GAS7: variants seen among roughly 807,000 people sequenced by gnomAD.
GAS7 encodes growth arrest specific 7, also known as growth arrest-specific protein 7.
Under a neutral mutation model 71.1 loss-of-function variants are expected in GAS7, and 28 were observed. The ratio of observed to expected loss-of-function variants is 0.39; its 90% CI spans 0.29 to 0.54. The LOEUF (loss-of-function observed/expected upper bound fraction) is 0.54. Ranked by LOEUF, GAS7 falls within the 20% of genes least tolerant of loss-of-function variation. The pLI is 0.62. For synonymous variants in GAS7, 258 were observed against 245.8 expected (o/e 1.05, Z -0.46); for missense variants, 436 against 627.8 (o/e 0.69, Z 3.27).
At chr17:10,162,989 T>C (rs1000821431) in intron 1 of GAS7, among the ~76,000 whole-genome samples, 1 of 152,198 alleles carries the variant, frequency 6.6e-6, no homozygotes, top group Non-Finnish European at 1.5e-5. Flanking sequence ...GTTAAGATGG[T>C]AAATTTTGTT....
At chr17:10,182,254 G>A (rs2074422265) in intron 1 of GAS7, among the ~76,000 whole-genome samples, 1 of 152,068 alleles carries the variant, frequency 6.6e-6, no homozygotes, top group Non-Finnish European at 1.5e-5. Context: ...CCACCTCCTG[G>A]GTTCAAGCGA....
At chr17:10,140,199 C>T (rs1483188961) in intron 1 of GAS7, among the ~76,000 whole-genome samples, 1 of 152,204 alleles carries the variant, frequency 6.6e-6, no homozygotes, top group South Asian at 2.1e-4. Context: ...TGGTGGCTCA[C>T]ATCTGCAATC....
chr17:10,049,950 A>G (rs1567569131), intron 1 of GAS7, among the ~76,000 whole-genome samples: 3 of 152,122 alleles, frequency 2.0e-5, no homozygotes, highest in Non-Finnish European at 4.4e-5. Context: ...GCAAATCATC[A>G]TATACAATCC....
intron 13 of GAS7, 129 bp from the exon 14 acceptor site, chr17:9,917,470 G>C (rs773593738): frequency 2.6e-5 from 17 of 662,960 alleles, no homozygotes; most frequent in Non-Finnish European, 4.1e-5. Context: ...CGGGGCCCCA[G>C]GGGGAGGCCC....
At chr17:10,027,731 G>A (rs2072503554) in intron 1 of GAS7, among the ~76,000 whole-genome samples, 1 of 152,210 alleles carries the variant, frequency 6.6e-6, no homozygotes, top group African/African-American at 2.4e-5. Context: ...CTCCAGAACT[G>A]TGAGGAAGTC....
intron 1 of GAS7, among the ~76,000 whole-genome samples, chr17:10,165,821 C>T (rs1597830532): frequency 6.6e-6 from 1 of 152,176 alleles, no homozygotes; most frequent in South Asian, 2.1e-4. Context: ...GGAAACGGGA[C>T]ACTTGTGTGC....
At position 10,103,026 on chromosome 17, in the gene GAS7, T is replaced by G. The variant is rs1457268182; in HGVS notation, c.184-83129A>C. Among the ~76,000 whole-genome samples the G allele has an allele frequency of 2.6e-5, 4 of 152,152 alleles. No individual in the cohort carries two copies. Among genetic ancestry groups the G allele is most frequent in the Non-Finnish European group, 5.9e-5 (4 of 68,030 alleles). ...AGGCACCAGCAGCATTCCTGTCGCC[T>G]AGAAGCTTGTTAGAAATGCAGAATC... On this transcript the variant is annotated intron_variant, in intron 1 of 13. Coordinates refer to ENST00000432992, the MANE Select transcript of GAS7 (RefSeq NM_201433.2). The surrounding 1 kb of genome is among the most constrained non-coding windows in gnomAD (Gnocchi z 5.5).
chr17:10,090,862 C>T (rs997530312), intron 1 of GAS7, among the ~76,000 whole-genome samples: 2 of 152,182 alleles, frequency 1.3e-5, no homozygotes, highest in Non-Finnish European at 2.9e-5. Flanking sequence ...GCACTCCTTC[C>T]ACCACATCAG....
At chr17:10,171,517 C>T (rs191972617) in intron 1 of GAS7, among the ~76,000 whole-genome samples, 17 of 152,322 alleles carry the variant, frequency 1.1e-4, no homozygotes, top group African/African-American at 4.1e-4. Context: ...GAAAGACCAC[C>T]TGCAACTTTT....
At position 10,026,473 on chromosome 17, in the gene GAS7, G is replaced by A. The variant is rs1473018076; in HGVS notation, c.184-6576C>T. Among the ~76,000 whole-genome samples, 1 of 152,170 alleles carries A rather than the reference G, an allele frequency of 6.6e-6. No individual in the cohort carries two copies. The highest frequency in any genetic ancestry group is 1.5e-5 in the Non-Finnish European group (1 of 68,028). The stretch of plus-strand genomic sequence containing the variant: ...ACTGCTTGAAGGCTCCTCCACAAAG[G>A]ACTCTCCAGCAAGTTCTCTCTTCCC... On this transcript the variant is annotated intron_variant, in intron 1 of 13. Coordinates refer to ENST00000432992, the MANE Select transcript of GAS7 (RefSeq NM_201433.2). The surrounding 1 kb of genome is among the most constrained non-coding windows in gnomAD (Gnocchi z 4.5).
intron 1 of GAS7, among the ~76,000 whole-genome samples, chr17:10,152,393 G>T (rs1469574561): frequency 1.3e-5 from 2 of 152,212 alleles, no homozygotes; most frequent in African/African-American, 4.8e-5. Context: ...AACACAGAAG[G>T]ATTCATCACA....
At chr17:10,056,531 A>T (rs934031381) in intron 1 of GAS7, among the ~76,000 whole-genome samples, 14 of 148,206 alleles carry the variant, frequency 9.4e-5, no homozygotes, top group Admixed American at 2.7e-4. Context: ...AAAATAAATT[A>T]AAAAAAAAAG....
chr17:10,184,293 C>T (rs925807898), intron 1 of GAS7, among the ~76,000 whole-genome samples: 1 of 152,122 alleles, frequency 6.6e-6, no homozygotes, highest in African/African-American at 2.4e-5. Flanking sequence ...GGAAAGCCTC[C>T]CTGAGGCCCA....
chr17:9,931,741 C>T (rs2068214930), intron 9 of GAS7, among the ~76,000 whole-genome samples: 1 of 152,202 alleles, frequency 6.6e-6, no homozygotes, highest in Non-Finnish European at 1.5e-5. Context: ...CCTTCACTGG[C>T]TGGGAATTCT....
chr17:10,160,225 T>C (rs2074241747), intron 1 of GAS7, among the ~76,000 whole-genome samples: 1 of 152,038 alleles, frequency 6.6e-6, no homozygotes, highest in African/African-American at 2.4e-5. Context: ...CGTTCTTCTG[T>C]ATGTAGGTTA....
intron 1 of GAS7, among the ~76,000 whole-genome samples, chr17:10,053,435 C>G (rs1029235026): frequency 3.3e-5 from 5 of 152,130 alleles, no homozygotes; most frequent in Admixed American, 3.3e-4. Context: ...GTGTGGCTGG[C>G]TCTTTACCTA....
chr17:10,146,631 G>A (rs978945436), intron 1 of GAS7, among the ~76,000 whole-genome samples: 4 of 152,224 alleles, frequency 2.6e-5, no homozygotes, highest in East Asian at 3.9e-4. Context: ...CAGCTTGGAC[G>A]CTTTCAAAAC....
At chr17:9,918,314 C>T (rs146389529) in intron 12 of GAS7, among the ~76,000 whole-genome samples, 6 of 152,246 alleles carry the variant, frequency 3.9e-5, no homozygotes, top group Non-Finnish European at 7.4e-5. Flanking sequence ...TGCTCCGCCA[C>T]GCACAGTGCT....
chr17:9,942,566 A>G (rs1597497040), intron 7 of GAS7, among the ~76,000 whole-genome samples: 1 of 152,106 alleles, frequency 6.6e-6, no homozygotes, highest in African/African-American at 2.4e-5. Flanking sequence ...TGAGGCAGGG[A>G]TGGGGTAGGA....
Sources: gnomAD v4.1 joint callset for allele counts (sites outside exome capture counted in the v4.1 genomes callset) on GRCh38, gnomAD v4.1.1 for gene constraint, Gnocchi (gnomAD v3.1) non-coding constraint, MANE v1.5 for transcripts, NCBI Gene and HGNC (gene_info 2026-07-23, HGNC 2026-07-21) for gene names.